CYP24A1: variants seen among roughly 807,000 people sequenced by gnomAD.
CYP24A1 encodes cytochrome P450 family 24 subfamily A member 1.
Under a neutral mutation model 62.4 loss-of-function variants are expected in CYP24A1, and 68 were observed. The ratio of observed to expected loss-of-function variants is 1.09; its 90% confidence interval spans 0.90 to 1.33. The LOEUF (loss-of-function observed/expected upper bound fraction) is 1.33. Ranked by LOEUF, CYP24A1 falls within the 40% of genes most tolerant of loss-of-function variation. CYP24A1 has a pLI of 0.00. For synonymous variants in CYP24A1, 267 were observed against 253.0 expected (o/e 1.06, Z -0.52); for missense variants, 787 against 653.0 (o/e 1.21, Z -2.24).
intron 11 of CYP24A1, among the ~76,000 whole-genome samples, chr20:54,155,647 G>A (rs1300822932): frequency 6.7e-6 from 1 of 149,580 alleles, no homozygotes; most frequent in Admixed American, 6.8e-5. Context: ...TGAGGCAGAA[G>A]AATCGCATGA....
At position 54,166,399 on chromosome 20, in the gene CYP24A1, A is replaced by G. The variant is rs560149698; in HGVS notation, c.641-566T>C. Among the ~76,000 whole-genome samples the G allele has an allele frequency of 2.0e-5, 3 of 152,252 alleles. No individual in the cohort carries two copies. The South Asian group carries it at 6.2e-4, about 32-fold the overall frequency. On this transcript the variant is annotated intron_variant, in intron 4 of 11. Coordinates refer to ENST00000216862, the MANE Select transcript of CYP24A1 (RefSeq NM_000782.5). ...CTCTTCATTTCAAAACTTTTTACCTAGAGAAAAGTTGAAGGAATGGTAAAA... is the reference window on the plus strand; with the variant it reads ...CTCTTCATTTCAAAACTTTTTACCTGGAGAAAAGTTGAAGGAATGGTAAAA...
chr20:54,161,259 C>T (rs1168426508), intron 7 of CYP24A1, among the ~76,000 whole-genome samples: 3 of 152,236 alleles, frequency 2.0e-5, no homozygotes, highest in Non-Finnish European at 4.4e-5. Context: ...CGAGGTCTTT[C>T]TGTGGCTGGC....
chr20:54,159,632 T>C (rs1485796254), intron 7 of CYP24A1, among the ~76,000 whole-genome samples: 2 of 152,168 alleles, frequency 1.3e-5, no homozygotes, highest in African/African-American at 4.8e-5. Context: ...TGACCTCAGG[T>C]GATCTGCCTG....
intron 11 of CYP24A1, among the ~76,000 whole-genome samples, chr20:54,155,724 G>A (rs1434562806): frequency 1.8e-5 from 2 of 113,762 alleles, no homozygotes; most frequent in South Asian, 3.4e-4. Flanking sequence ...GTGACAGTGT[G>A]AGACACTGTC....
At chr20:54,150,253 C>G (rs955725237), downstream of CYP24A1, among the ~76,000 whole-genome samples, 1 of 152,192 alleles carries the variant, frequency 6.6e-6, no homozygotes, top group African/African-American at 2.4e-5. Flanking sequence ...ACCTAAATCC[C>G]CAGTGCGCTT....
At chr20:54,161,578 C>T (rs548379202) in intron 7 of CYP24A1, among the ~76,000 whole-genome samples, 246 of 151,980 alleles carry the variant, frequency 1.6e-3, no homozygotes, top group African/African-American at 5.5e-3. Flanking sequence ...AAGTATCTAT[C>T]AGCCGCTACT....
At position 54,173,833 on chromosome 20, in the gene CYP24A1, G is replaced by A. The variant is rs572044955; in HGVS notation, c.-254C>T. The A allele has an allele frequency of 4.2e-4, 237 of 566,632 alleles. No individual in the cohort carries two copies. Among genetic ancestry groups the A allele is most frequent in the African/African-American group, 3.9e-3 (209 of 53,478 alleles). The allele number at this position is 566,632 out of a possible 1,614,324, so 35.1% of individuals were successfully genotyped here. On this transcript the variant is annotated 5_prime_UTR_variant, in exon 1 of 12. Transcript: ENST00000216862. This position sits in a 1 kb window ranked among gnomAD's most constrained non-coding sequence, Gnocchi z 7.2. ...TGGCCGCAGGGGCTGGAAGAGGGTG[G>A]CCGGTGTCTGGGGACCTCTTGAAAA...
intron 4 of CYP24A1, among the ~76,000 whole-genome samples, chr20:54,168,846 TCTTCCTTCCTTCCTTCCTTCCTTC>T (rs1195139713): frequency 0.08 from 3,468 of 43,362 alleles, 141 homozygotes; most frequent in Middle Eastern, 0.18. Flanking sequence ...CTCCCTCCCT[TCTTCCTTCCTTCCTTCCTTCCTTC>T]CTTCCTTCCT....
At chr20:54,172,388 C>T (rs574516815) in intron 2 of CYP24A1, among the ~76,000 whole-genome samples, 2 of 152,260 alleles carry the variant, frequency 1.3e-5, no homozygotes, top group Non-Finnish European at 2.9e-5. Flanking sequence ...TAGCATTTGT[C>T]GACCTAAAAC....
At chr20:54,159,330 T>A in intron 7 of CYP24A1, among the ~76,000 whole-genome samples, 1 of 152,202 alleles carries the variant, frequency 6.6e-6, no homozygotes, top group East Asian at 1.9e-4. Context: ...AGGATATATT[T>A]TAAATTATTT....
chr20:54,162,898 G>A, intron 6 of CYP24A1, 36 bp from the exon 7 acceptor site: 4 of 1,344,270 alleles, frequency 3.0e-6, no homozygotes, highest in Non-Finnish European at 4.3e-6. Flanking sequence ...GAAGTCAGCT[G>A]AAAATTGGGA....
At position 54,157,372 on chromosome 20, in the gene CYP24A1, C is replaced by T; in HGVS notation, c.1434+16G>A. On this transcript the variant is annotated intron_variant, in intron 10 of 11. Transcript: ENST00000216862. ...ACAGCACAGAACATAATTGCAGAAACCGGTAAAGGTTTTACCCAACAAAGA... is the reference window on the plus strand; with the variant it reads ...ACAGCACAGAACATAATTGCAGAAATCGGTAAAGGTTTTACCCAACAAAGA... 2 of 1,540,442 alleles carry T rather than the reference C, an allele frequency of 1.3e-6. No homozygotes were observed. Among genetic ancestry groups the T allele is most frequent in the East Asian group, 2.2e-5 (1 of 44,534 alleles).
At position 54,164,926 on chromosome 20, in the gene CYP24A1, C is replaced by T. The variant is rs6022995; in HGVS notation, c.733-363G>A. On this transcript the variant is annotated intron_variant, in intron 5 of 11. Transcript: ENST00000216862. ...AGTGATTTCCAAACCAATTTCACAGCGTTTATCCTATCTACACGCCACCCA... is the reference window on the plus strand; with the variant it reads ...AGTGATTTCCAAACCAATTTCACAGTGTTTATCCTATCTACACGCCACCCA... Among the ~76,000 whole-genome samples the T allele has an allele frequency of 8.2e-3, 1,247 of 151,886 alleles. 25 individuals carry two copies. The highest frequency in any genetic ancestry group is 0.029 in the African/African-American group (1,184 of 41,400).
At chr20:54,157,813 T>C (rs904080054) in intron 9 of CYP24A1, among the ~76,000 whole-genome samples, 2 of 152,236 alleles carry the variant, frequency 1.3e-5, no homozygotes, top group Non-Finnish European at 2.9e-5. Flanking sequence ...CAGATTCTGT[T>C]ATTAAACCCC....
Position 54,162,220 on chromosome 20 carries a change from C to CTTT in CYP24A1, c.990+494_990+496dup, listed in dbSNP as rs530338632. 7.6e-3 allele frequency among the ~76,000 whole-genome samples: 551 copies of CTTT among 72,372 alleles called. 20 individuals are homozygous for CTTT. Among genetic ancestry groups the CTTT allele is most frequent in the African/African-American group, 0.018 (289 of 15,848 alleles). 47.5% of individuals were successfully genotyped at this position (72,372 alleles called of 152,430 possible). A position where few individuals can be genotyped will look rare whatever the true frequency, so the allele number is the denominator to read the frequency against. ...ATTATTGGCTTGAAAGAGAGTATGC[C>CTTT]TTTTTTTTTTTTTTTTTTTTTTTTT... On this transcript the variant is annotated intron_variant, in intron 7 of 11. Coordinates refer to ENST00000216862, the MANE Select transcript of CYP24A1 (RefSeq NM_000782.5).
Position 54,172,074 on chromosome 20 carries a change from C to T in CYP24A1, c.450-404G>A, listed in dbSNP as rs1185765095. The T allele has an allele frequency of 1.3e-5, 4 of 300,320 alleles. No individual in the cohort carries two copies. In the Admixed American group the frequency reaches 1.4e-4, roughly 11 times the overall value. The allele number at this position is 300,320 out of a possible 1,614,324, so 18.6% of individuals were successfully genotyped here. ...GGAAGAATCTTGTCTTCTTTCAACT[C>T]ATTGGTGTGGGCTTCATATTTACAA... On this transcript the variant is annotated intron_variant, in intron 2 of 11. Transcript: ENST00000216862.
intron 5 of CYP24A1, 134 bp from the exon 6 acceptor site, chr20:54,164,697 G>GCT: frequency 6.5e-7 from 1 of 1,527,972 alleles, no homozygotes; most frequent in Admixed American, 1.9e-5. Context: ...GACACCCCCG[G>GCT]CTCTCTCTGC....
Position 54,168,212 on chromosome 20 carries a change from A to AG in CYP24A1, c.640+1379dup, listed in dbSNP as rs1440720532. Among the ~76,000 whole-genome samples the AG allele has an allele frequency of 3.3e-5, 5 of 152,284 alleles. No homozygotes were observed. In the East Asian group the frequency reaches 9.6e-4, roughly 29 times the overall value. On this transcript the variant is annotated intron_variant, in intron 4 of 11. Transcript: ENST00000216862. Reference sequence around the variant, plus strand: ...TTCTCCCACAGCCCTGAATGTCCTCAGCCAGGCGCTGTCCCACCTGATCAC... The same window carrying AG: ...TTCTCCCACAGCCCTGAATGTCCTCAGGCCAGGCGCTGTCCCACCTGATCAC...
the CYP24A1 span, among the ~76,000 whole-genome samples, chr20:54,147,526 C>G: frequency 6.6e-6 from 1 of 152,148 alleles, no homozygotes; most frequent in Non-Finnish European, 1.5e-5. Flanking sequence ...GCCACACAGA[C>G]CAGGACCTCT....
Sources: allele counts gnomAD v4.1 joint callset (sites outside exome capture counted in the v4.1 genomes callset), GRCh38; gene constraint gnomAD v4.1.1; non-coding constraint Gnocchi (gnomAD v3.1); transcripts MANE v1.5; gene names NCBI Gene and HGNC (gene_info 2026-07-23, HGNC 2026-07-21).